XKR6: variants seen among roughly 807,000 people sequenced by gnomAD.
XKR6 encodes XK related 6.
XKR6 carries 22 observed loss-of-function variants against 56.7 expected under a neutral mutation model. That is an observed-to-expected ratio of 0.39 (90% CI 0.28 to 0.55). The LOEUF (loss-of-function observed/expected upper bound fraction) is 0.55, where lower values mean the gene tolerates loss of function less well. Among genes scored for constraint, XKR6 ranks in the 20% least tolerant of loss-of-function variants. XKR6 has a pLI of 0.66. For missense variants in XKR6, 852 were observed against 889.0 expected (o/e 0.96, Z 0.53); for synonymous variants, 524 against 387.8 (o/e 1.35, Z -4.13).
At chr8:11,015,607 T>C (rs558795248) in intron 1 of XKR6, among the ~76,000 whole-genome samples, 1 of 152,252 alleles carries the variant, frequency 6.6e-6, no homozygotes, top group South Asian at 2.1e-4. Flanking sequence ...GGCTCTGGGC[T>C]TCTCCGGCCT....
chr8:11,142,869 C>G (rs1158303584), intron 1 of XKR6, among the ~76,000 whole-genome samples: 2 of 152,128 alleles, frequency 1.3e-5, no homozygotes, highest in Non-Finnish European at 2.9e-5. Flanking sequence ...TGAATTGTAA[C>G]TTGTCGACTA....
intron 1 of XKR6, among the ~76,000 whole-genome samples, chr8:11,011,402 C>T (rs1359978631): frequency 1.3e-5 from 2 of 152,154 alleles, no homozygotes; most frequent in Admixed American, 6.5e-5. Context: ...AGGTACACAG[C>T]GGACGAGGCT....
intron 1 of XKR6, among the ~76,000 whole-genome samples, chr8:11,152,899 T>A (rs1054945008): frequency 6.6e-6 from 1 of 152,192 alleles, no homozygotes; most frequent in African/African-American, 2.4e-5. Context: ...AGCAAAAATA[T>A]TACTGGATTA....
rs576851359 is a variant in XKR6 at position 11,178,090 on chromosome 8, G to A, written c.764+22486C>T. ...GGCCTAGTGACCGGGTAGGAGCCGG[G>A]CCTTCCAAACTCCAGGCAGAAGAGG... On this transcript the variant is annotated intron_variant, in intron 1 of 2. Coordinates refer to ENST00000416569, the MANE Select transcript of XKR6 (RefSeq NM_173683.4). Among the ~76,000 whole-genome samples, 3 of 152,228 alleles carry A rather than the reference G, an allele frequency of 2.0e-5. No homozygotes were observed. The East Asian group carries it at 5.8e-4, about 29-fold the overall frequency.
At chr8:11,041,861 G>A (rs1358995610) in intron 1 of XKR6, among the ~76,000 whole-genome samples, 6 of 152,156 alleles carry the variant, frequency 3.9e-5, no homozygotes, top group African/African-American at 1.4e-4. Context: ...TTTTCTCTCT[G>A]CACCAACACA....
chr8:11,058,600 C>T (rs1799745758), intron 1 of XKR6, among the ~76,000 whole-genome samples: 1 of 152,178 alleles, frequency 6.6e-6, no homozygotes, highest in South Asian at 2.1e-4. Context: ...GAAAACCAAA[C>T]ACCACATGTT....
chr8:10,953,124 A>C (rs569939120), intron 1 of XKR6, among the ~76,000 whole-genome samples: 123 of 152,294 alleles, frequency 8.1e-4, no homozygotes, highest in African/African-American at 2.8e-3. Flanking sequence ...TTCATTATAC[A>C]TTACAATGTA....
chr8:11,045,344 T>C (rs1219549686), intron 1 of XKR6, among the ~76,000 whole-genome samples: 1 of 152,092 alleles, frequency 6.6e-6, no homozygotes, highest in African/African-American at 2.4e-5. Flanking sequence ...CATCTTGGCC[T>C]CCCAGAGTGC....
intron 1 of XKR6, among the ~76,000 whole-genome samples, chr8:10,949,109 G>A (rs991170623): frequency 2.0e-5 from 3 of 152,216 alleles, no homozygotes; most frequent in African/African-American, 4.8e-5. Context: ...CTGGGAGTCC[G>A]GGGTGAGCCC....
chr8:10,985,852 T>G (rs1797850983), intron 1 of XKR6, among the ~76,000 whole-genome samples: 1 of 152,158 alleles, frequency 6.6e-6, no homozygotes, highest in Non-Finnish European at 1.5e-5. Flanking sequence ...GCGATCCACC[T>G]GCCTTGGACT....
chr8:11,075,864 C>T (rs1800260897), intron 1 of XKR6, among the ~76,000 whole-genome samples: 1 of 152,144 alleles, frequency 6.6e-6, no homozygotes, highest in Admixed American at 6.5e-5. Flanking sequence ...CATAGCGAGA[C>T]TCTGTCCCCC....
chr8:11,101,463 CTA>C (rs1223244106), intron 1 of XKR6, among the ~76,000 whole-genome samples: 38 of 151,040 alleles, frequency 2.5e-4, no homozygotes, highest in Non-Finnish European at 3.8e-4. Flanking sequence ...TGTGCACTCT[CTA>C]AAATTATTTA....
chr8:11,012,060 G>A (rs895981941), intron 1 of XKR6, among the ~76,000 whole-genome samples: 1 of 152,218 alleles, frequency 6.6e-6, no homozygotes, highest in Non-Finnish European at 1.5e-5. Flanking sequence ...CTCTGAAGAG[G>A]AGAATTTGGG....
At chr8:10,961,755 C>T (rs1219694216) in intron 1 of XKR6, among the ~76,000 whole-genome samples, 3 of 152,214 alleles carry the variant, frequency 2.0e-5, no homozygotes, top group African/African-American at 7.2e-5. Flanking sequence ...TTTTAACATG[C>T]AGCCTCCATC....
chr8:11,071,005 TGGGTACGGCTGTGGTGACACAGA>T, intron 1 of XKR6, among the ~76,000 whole-genome samples: 1 of 152,226 alleles, frequency 6.6e-6, no homozygotes, highest in Non-Finnish European at 1.5e-5. Context: ...TGGCACACAG[TGGGTACGGCTGTGGTGACACAGA>T]GGGTTGGCCA....
intron 1 of XKR6, among the ~76,000 whole-genome samples, chr8:11,087,878 G>C (rs2129171823): frequency 6.6e-6 from 1 of 152,308 alleles, no homozygotes; most frequent in Middle Eastern, 3.4e-3. Context: ...AGAGATTTCT[G>C]TCCTTTAAAG....
intron 1 of XKR6, among the ~76,000 whole-genome samples, chr8:11,032,092 C>T (rs1004052736): frequency 1.3e-5 from 2 of 152,228 alleles, no homozygotes; most frequent in African/African-American, 4.8e-5. Flanking sequence ...AGGTCCCTTA[C>T]TACTCCTGAA....
At chr8:11,040,359 T>TTA (rs924405261) in intron 1 of XKR6, among the ~76,000 whole-genome samples, 3 of 107,336 alleles carry the variant, frequency 2.8e-5, no homozygotes, top group African/African-American at 9.8e-5. Context: ...TCATGTCTGC[T>TTA]AAAAAAAAAA....
Position 11,114,773 on chromosome 8 carries a change from G to GTGTGTGTGTGTGTATA in XKR6, c.764+85802_764+85803insTATACACACACACACA, listed in dbSNP as rs34746866. ...TGTGTGTGTGTGTGTGTGTGTGTGT[G>GTGTGTGTGTGTGTATA]TATGTGCCAGGGCAAGAAAGGTCAG... On this transcript the variant is annotated intron_variant, in intron 1 of 2. Transcript: ENST00000416569. 2.5e-3 allele frequency among the ~76,000 whole-genome samples: 369 copies of GTGTGTGTGTGTGTATA among 146,608 alleles called. 3 individuals carry two copies. The highest frequency in any genetic ancestry group is 7.1e-3 in the Middle Eastern group (2 of 282).
Sources: allele counts gnomAD v4.1 joint callset (sites outside exome capture counted in the v4.1 genomes callset), GRCh38; gene constraint gnomAD v4.1.1; transcripts MANE v1.5; gene names NCBI Gene and HGNC (gene_info 2026-07-23, HGNC 2026-07-21).